PCDH19: variants seen among roughly 807,000 people sequenced by gnomAD.
PCDH19 encodes protocadherin-19.
Under a neutral mutation model 46.2 loss-of-function variants are expected in PCDH19, and 6 were observed. The ratio of observed to expected loss-of-function variants is 0.13; its 90% CI spans 0.07 to 0.26. PCDH19 has a LOEUF of 0.26. PCDH19 is among the 10% of genes least tolerant of loss of function. The probability of loss-of-function intolerance (pLI) is 1.00; values close to 1 mark genes in which losing one functional copy is unlikely to be tolerated. For missense variants in PCDH19, 740 were observed against 972.3 expected (o/e 0.76, Z 3.18); for synonymous variants, 481 against 415.7 (o/e 1.16, Z -1.91).
intron 3 of PCDH19, among the ~76,000 whole-genome samples, chrX:100,376,520 T>C (rs1927391794): frequency 8.9e-6 from 1 of 111,927 alleles, no homozygotes; most frequent in Non-Finnish European, 1.9e-5. Context: ...GCTAGGTCTT[T>C]TTCTAAACTA....
chrX:100,364,551 C>T (rs1388186004), intron 3 of PCDH19, among the ~76,000 whole-genome samples: 6 of 110,897 alleles, frequency 5.4e-5, no homozygotes, highest in African/African-American at 9.9e-5. Context: ...CAGGATTCGC[C>T]GGTTCTGAAA....
At chrX:100,321,613 G>T (rs1925481979) in intron 5 of PCDH19, among the ~76,000 whole-genome samples, 1 of 109,284 alleles carries the variant, frequency 9.2e-6, no homozygotes, top group African/African-American at 3.3e-5. Flanking sequence ...TTTTTGATGG[G>T]ATTGTTTGTT....
intron 5 of PCDH19, among the ~76,000 whole-genome samples, chrX:100,318,258 T>C (rs1326764707): frequency 8.9e-6 from 1 of 112,395 alleles, no homozygotes; most frequent in African/African-American, 3.2e-5. Flanking sequence ...TTTTTTCCCT[T>C]CCATAAGTCA....
chrX:100,408,705 T>G lies in PCDH19; in HGVS notation c.-108A>C. ...CGGGCCGCCTGTTGCGCGCGCCCCG[T>G]GGCCCCGGAGGCCGCGGGAGAAGTC... is the stretch of plus-strand genomic sequence containing the variant. On this transcript the variant is annotated 5_prime_UTR_variant, in exon 1 of 6. Transcript: ENST00000373034. 7.3e-6 allele frequency: 5 copies of G among 682,190 alleles called. No individual in the cohort carries two copies. The highest frequency in any genetic ancestry group is 1.1e-5 in the Non-Finnish European group (5 of 463,927). The allele number at this position is 682,190 out of a possible 1,213,427, so 56.2% of individuals were successfully genotyped here. A position where few individuals can be genotyped will look rare whatever the true frequency, so the allele number is the denominator to read the frequency against.
intron 3 of PCDH19, among the ~76,000 whole-genome samples, chrX:100,384,711 A>G (rs1385157388): frequency 1.8e-5 from 2 of 111,947 alleles, no homozygotes; most frequent in Non-Finnish European, 3.8e-5. Context: ...CATGTAATAC[A>G]TCAATGAAGA....
intron 5 of PCDH19, among the ~76,000 whole-genome samples, chrX:100,322,221 A>AT (rs1925514153): frequency 9.0e-6 from 1 of 111,196 alleles, no homozygotes; most frequent in African/African-American, 3.3e-5. Flanking sequence ...TAAGACCTTG[A>AT]TCTATTTTGA....
intron 5 of PCDH19, among the ~76,000 whole-genome samples, chrX:100,313,901 A>ACACACACACACTCT (rs1220794158): frequency 5.0e-4 from 51 of 102,115 alleles, no homozygotes; most frequent in Non-Finnish European, 7.2e-4. Context: ...ACACACACAC[A>ACACACACACACTCT]CACACAAAGT....
At chrX:100,361,623 A>ATTAACTATT (rs1926883953) in intron 3 of PCDH19, among the ~76,000 whole-genome samples, 1 of 112,178 alleles carries the variant, frequency 8.9e-6, no homozygotes, top group Non-Finnish European at 1.9e-5. Context: ...TTTAAACAAC[A>ATTAACTATT]TTAACTATTT....
chrX:100,373,864 G>A (rs1927295870), intron 3 of PCDH19, among the ~76,000 whole-genome samples: 2 of 112,885 alleles, frequency 1.8e-5, no homozygotes, highest in Admixed American at 1.9e-4. Flanking sequence ...TGGTCTCTTG[G>A]GAGTTCTCAC....
chrX:100,399,400 T>G (rs1433116152), intron 3 of PCDH19, among the ~76,000 whole-genome samples: 2 of 111,943 alleles, frequency 1.8e-5, no homozygotes, highest in African/African-American at 6.5e-5. Context: ...GCAAATCACC[T>G]ATTTACTTGA....
rs149723120 is a variant in PCDH19, at chrX:100,358,330, C to T, written c.2617-7626G>A. 5.4e-3 allele frequency among the ~76,000 whole-genome samples: 602 copies of T among 111,985 alleles called. 2 individuals carry two copies. Among genetic ancestry groups the T allele is most frequent in the Non-Finnish European group, 8.3e-3 (440 of 53,137 alleles). The stretch of plus-strand genomic sequence containing the variant: ...TCTAGCATCCCAGTGACTGTCAGGA[C>T]AGGACTATCAATGAGAAACACAGGC... On this transcript the variant is annotated intron_variant, in intron 3 of 5. Transcript: ENST00000373034.
intron 4 of PCDH19, among the ~76,000 whole-genome samples, chrX:100,348,049 G>A (rs1344396453): frequency 5.1e-5 from 4 of 77,912 alleles, no homozygotes; most frequent in Non-Finnish European, 9.1e-5. Context: ...CTAGGTGACA[G>A]AGCAAGATTC....
chrX:100,310,656 T>C (rs1388656756), intron 5 of PCDH19, among the ~76,000 whole-genome samples: 1 of 110,000 alleles, frequency 9.1e-6, no homozygotes, highest in Non-Finnish European at 1.9e-5. Flanking sequence ...GAAAGTTTCA[T>C]ATAAAGACGC....
At position 100,293,184 on chromosome X, in the gene PCDH19, T is replaced by A. The variant is rs1569282706; in HGVS notation, c.*3093A>T. 1 of 112,384 alleles carries A rather than the reference T, an allele frequency of 8.9e-6. No individual in the cohort carries two copies. Among genetic ancestry groups the A allele is most frequent in the African/African-American group, 3.2e-5 (1 of 30,929 alleles). The allele number at this position is 112,384 out of a possible 1,213,427, so 9.3% of individuals were successfully genotyped here. A position where few individuals can be genotyped will look rare whatever the true frequency, so the allele number is the denominator to read the frequency against. ...TTTCAGAGATCTAAATTGTATTTTT[T>A]AAAAATATTTCTGATTAGAGATCAG... is the stretch of plus-strand genomic sequence containing the variant. On this transcript the variant is annotated 3_prime_UTR_variant, in exon 6 of 6. Transcript: ENST00000373034.
In PCDH19 at chrX:100,296,272, C is replaced by G. The variant is rs1924596395; in HGVS notation, c.*5G>C. ...GGTTTCTTTCTCTTCTTCCTGGAGA[C>G]TGGTTTAGAGAACGATATCCTTCAG... On this transcript the variant is annotated 3_prime_UTR_variant, in exon 6 of 6. Transcript: ENST00000373034. 8.4e-7 allele frequency: 1 copy of G among 1,190,683 alleles called. No individual in the cohort carries two copies. The highest frequency in any genetic ancestry group is 1.8e-5 in the African/African-American group (1 of 56,908).
Position 100,318,868 on chromosome X carries a change from G to A in PCDH19, c.2849-21993C>T, listed in dbSNP as rs188311469. ...CACTGTATAAATAATTGTGCCAAGG[G>A]CTGGCTCTTGCATACACCTTCTGAG... On this transcript the variant is annotated intron_variant, in intron 5 of 5. Transcript: ENST00000373034. Among the ~76,000 whole-genome samples, 3 of 110,974 alleles carry A rather than the reference G, an allele frequency of 2.7e-5. No individual in the cohort carries two copies. In the Admixed American group the frequency reaches 2.9e-4, roughly 11 times the overall value.
intron 5 of PCDH19, 33 bp downstream of exon 5, chrX:100,341,870 G>A (rs779718276): frequency 2.7e-5 from 32 of 1,185,702 alleles, no homozygotes; most frequent in Middle Eastern, 2.5e-4. Context: ...CTTTGGAGTC[G>A]ATTGCTGCAA....
At chrX:100,362,142 T>TCC (rs1926902291) in intron 3 of PCDH19, among the ~76,000 whole-genome samples, 1 of 111,656 alleles carries the variant, frequency 9.0e-6, no homozygotes, top group Non-Finnish European at 1.9e-5. Context: ...TCCTTTCCTT[T>TCC]CCCCACATTG....
chrX:100,309,698 G>T (rs1434736332), intron 5 of PCDH19, among the ~76,000 whole-genome samples: 1 of 111,196 alleles, frequency 9.0e-6, no homozygotes, highest in African/African-American at 3.3e-5. Flanking sequence ...GATGCCTCAG[G>T]AAGGATGAAG....
Sources: gnomAD v4.1 joint callset for allele counts (sites outside exome capture counted in the v4.1 genomes callset) on GRCh38, gnomAD v4.1.1 for gene constraint, MANE v1.5 for transcripts, NCBI Gene and HGNC (gene_info 2026-07-23, HGNC 2026-07-21) for gene names.